The following NR3C1 variants were observed in gnomAD, a reference collection of about 807,000 sequenced individuals.
NR3C1 encodes nuclear receptor subfamily 3 group C member 1, also known as glucocorticoid receptor.
A neutral mutation model predicts 74.0 loss-of-function variants in NR3C1; 14 were observed. That is an observed-to-expected ratio of 0.19 (90% CI 0.12 to 0.30). The LOEUF (loss-of-function observed/expected upper bound fraction) is 0.30. Among genes scored for constraint, NR3C1 ranks in the 10% least tolerant of loss-of-function variants. NR3C1 has a pLI of 1.00. For synonymous variants in NR3C1, 308 were observed against 332.5 expected, an observed-to-expected ratio of 0.93 and a Z score of 0.80; for missense variants, 695 against 909.8, an observed-to-expected ratio of 0.76 and a Z score of 3.04.
intron 4 of NR3C1, among the ~76,000 whole-genome samples, chr5:143,304,043 A>C (rs1231013022): frequency 2.0e-5 from 3 of 152,178 alleles, no homozygotes; most frequent in Non-Finnish European, 4.4e-5. Flanking sequence ...TTCCAATTTA[A>C]CATAGTACTG....
intron 2 of NR3C1, among the ~76,000 whole-genome samples, chr5:143,386,367 T>C (rs1837222301): frequency 6.6e-6 from 1 of 152,212 alleles, no homozygotes; most frequent in African/African-American, 2.4e-5. Flanking sequence ...TATTAGAAAC[T>C]TGCTTGTAGT....
chr5:143,425,877 T>C (rs997949073), intron 1 of NR3C1, among the ~76,000 whole-genome samples: 1 of 152,120 alleles, frequency 6.6e-6, no homozygotes. Flanking sequence ...CTCCTAGGAA[T>C]TTACCCAGGA....
At chr5:143,294,143 T>C in intron 7 of NR3C1, 1 of 985,192 alleles carries the variant, frequency 1.0e-6, no homozygotes, top group East Asian at 1.1e-4. Flanking sequence ...GAATGTGCGC[T>C]TTGGAAATGT....
chr5:143,433,770 A>G (rs1041226011), intron 1 of NR3C1: 7 of 152,122 alleles, frequency 4.6e-5, no homozygotes, highest in African/African-American at 1.7e-4. Flanking sequence ...CCTTCCTTCC[A>G]CACTTGCCCA....
chr5:143,388,805 A>G lies in NR3C1; in HGVS notation c.1184+10851T>C, dbSNP rs368123473. ...ATTCTTAAGTGACTAGAAGAAAAAA[A>G]TATCTTGCAACTAGGGTACACAAAC... On this transcript the variant is annotated intron_variant, in intron 2 of 8. Transcript: ENST00000394464. Among the ~76,000 whole-genome samples the G allele has an allele frequency of 1.8e-4, 27 of 152,234 alleles. 1 individual carries two copies. In the East Asian group the frequency reaches 2.3e-3, roughly 13 times the overall value.
intron 2 of NR3C1, among the ~76,000 whole-genome samples, chr5:143,383,437 A>T (rs1836614865): frequency 6.6e-6 from 1 of 152,154 alleles, no homozygotes; most frequent in Non-Finnish European, 1.5e-5. Context: ...AGGAGACTGG[A>T]TTTACTTGGA....
chr5:143,424,115 T>C (rs1008462038), intron 1 of NR3C1, among the ~76,000 whole-genome samples: 1 of 151,760 alleles, frequency 6.6e-6, no homozygotes, highest in African/African-American at 2.4e-5. Context: ...TAATGCTAGA[T>C]GACGAGTTAA....
intron 2 of NR3C1, among the ~76,000 whole-genome samples, chr5:143,337,000 C>CAT (rs112582621): frequency 3.3e-4 from 50 of 151,344 alleles, no homozygotes; most frequent in East Asian, 1.9e-3. Context: ...CATACATATA[C>CAT]ATATATATAT....
At chr5:143,396,918 C>T (rs995457993) in intron 2 of NR3C1, among the ~76,000 whole-genome samples, 1 of 151,880 alleles carries the variant, frequency 6.6e-6, no homozygotes, top group East Asian at 1.9e-4. Flanking sequence ...AATGTGCCTT[C>T]GTCAATAAGT....
chr5:143,412,190 A>G (rs1841315323), intron 1 of NR3C1, among the ~76,000 whole-genome samples: 1 of 146,152 alleles, frequency 6.8e-6, no homozygotes, highest in South Asian at 2.2e-4. Context: ...TAGGATTTCA[A>G]GGTAAATATC....
chr5:143,292,641 A>G (rs1445732932), intron 7 of NR3C1, among the ~76,000 whole-genome samples: 2 of 152,206 alleles, frequency 1.3e-5, no homozygotes, highest in Non-Finnish European at 2.9e-5. Context: ...GGGTAAACCC[A>G]AGAAATTGCA....
intron 2 of NR3C1, among the ~76,000 whole-genome samples, chr5:143,341,053 T>G (rs1327837354): frequency 1.3e-5 from 2 of 152,222 alleles, no homozygotes; most frequent in Non-Finnish European, 2.9e-5. Flanking sequence ...TTCTTCAGTC[T>G]GTGGGCAAAC....
chr5:143,316,947 G>A (rs80261024), intron 2 of NR3C1, among the ~76,000 whole-genome samples: 1 of 152,094 alleles, frequency 6.6e-6, no homozygotes, highest in East Asian at 1.9e-4. Flanking sequence ...ACAAGGGAAA[G>A]TAAAAATGAA....
intron 3 of NR3C1, among the ~76,000 whole-genome samples, chr5:143,313,230 C>T (rs1821353425): frequency 6.6e-6 from 1 of 152,132 alleles, no homozygotes; most frequent in Non-Finnish European, 1.5e-5. Flanking sequence ...ACATTTTAGA[C>T]TCTCTTCTAA....
At chr5:143,404,368 A>G (rs1231171360), upstream of NR3C1, 2 of 984,824 alleles carry the variant, frequency 2.0e-6, no homozygotes, top group Non-Finnish European at 2.4e-6. Flanking sequence ...GGGTCGGCGC[A>G]TACGTACTTT....
intron 2 of NR3C1, among the ~76,000 whole-genome samples, chr5:143,383,308 T>C (rs991353606): frequency 2.0e-5 from 3 of 152,230 alleles, no homozygotes; most frequent in Non-Finnish European, 2.9e-5. Context: ...AAGTAAAATA[T>C]ATGTATTAAA....
chr5:143,405,445 G>A (rs1329624401), upstream of NR3C1: 1 of 757,442 alleles, frequency 1.3e-6, no homozygotes, highest in Non-Finnish European at 1.6e-6. Flanking sequence ...GTACAGTGTC[G>A]CCAGCCCGTC....
chr5:143,334,927 A>G (rs1826799142), intron 2 of NR3C1, among the ~76,000 whole-genome samples: 1 of 152,214 alleles, frequency 6.6e-6, no homozygotes, highest in South Asian at 2.1e-4. Flanking sequence ...CAGTGCGAAA[A>G]AGAATAAAAT....
At chr5:143,375,420 A>G (rs1170622008) in intron 2 of NR3C1, among the ~76,000 whole-genome samples, 1 of 152,202 alleles carries the variant, frequency 6.6e-6, no homozygotes, top group African/African-American at 2.4e-5. Context: ...AAGAGTCAAA[A>G]TTCTTTTAAT....
Sources: allele counts gnomAD v4.1 joint callset (sites outside exome capture counted in the v4.1 genomes callset), GRCh38; gene constraint gnomAD v4.1.1; transcripts MANE v1.5; gene names NCBI Gene and HGNC (gene_info 2026-07-23, HGNC 2026-07-21).